VANGL2: variants seen among roughly 807,000 people sequenced by gnomAD.
VANGL2 encodes the protein vang-like protein 2.
VANGL2 carries 14 observed loss-of-function variants against 50.2 expected under a neutral mutation model. The ratio of observed to expected loss-of-function variants is 0.28; its 90% confidence interval spans 0.18 to 0.44. VANGL2 has a LOEUF of 0.44. VANGL2 is among the 20% of genes least tolerant of loss of function. The pLI, the probability that VANGL2 is intolerant of heterozygous loss-of-function variation, is 1.00. For missense variants in VANGL2, 533 were observed against 701.5 expected (o/e 0.76, Z 2.71); for synonymous variants, 295 against 297.2 (o/e 0.99, Z 0.08).
Position 160,422,397 on chromosome 1 carries a change from T to G in VANGL2, c.1073+1210T>G, listed in dbSNP as rs117580368. Among the ~76,000 whole-genome samples, 340 of 152,354 alleles carry G rather than the reference T, an allele frequency of 2.2e-3. 2 individuals are homozygous for G. The East Asian group carries it at 0.027, about 12-fold the overall frequency. On this transcript the variant is annotated intron_variant, in intron 6 of 7. Coordinates refer to ENST00000368061, the MANE Select transcript of VANGL2 (RefSeq NM_020335.3). ...CTTTCCTTTCCCCATTACCTTGCTTTTAACCAGGAGCAAACTTTTTCCTTT... is the reference window on the plus strand; with the variant it reads ...CTTTCCTTTCCCCATTACCTTGCTTGTAACCAGGAGCAAACTTTTTCCTTT...
At chr1:160,424,407 C>A (rs1651378290) in intron 7 of VANGL2, 124 bp downstream of exon 7, 3 of 970,108 alleles carry the variant, frequency 3.1e-6, no homozygotes, top group Non-Finnish European at 4.8e-6. Context: ...TCCTCACCAC[C>A]TCCTTTTTAT....
At chr1:160,422,690 CT>C (rs1651313876) in intron 6 of VANGL2, among the ~76,000 whole-genome samples, 1 of 152,146 alleles carries the variant, frequency 6.6e-6, no homozygotes. Flanking sequence ...ATTAATTGCT[CT>C]TTTCAGCTTC....
intron 3 of VANGL2, among the ~76,000 whole-genome samples, chr1:160,417,908 ATTTTTTTT>A (rs4017836): frequency 1.5e-5 from 2 of 130,160 alleles, no homozygotes; most frequent in South Asian, 2.4e-4. Context: ...GACTTCCATA[ATTTTTTTT>A]TTTTTTTTTT....
intron 7 of VANGL2, 113 bp downstream of exon 7, chr1:160,424,396 C>T: frequency 9.8e-7 from 1 of 1,016,310 alleles, no homozygotes; most frequent in South Asian, 1.4e-5. Flanking sequence ...TCATTTCTCT[C>T]TCCTCACCAC....
chr1:160,402,722 T>G (rs888594926), intron 1 of VANGL2, among the ~76,000 whole-genome samples: 1 of 152,044 alleles, frequency 6.6e-6, no homozygotes, highest in East Asian at 1.9e-4. Context: ...ATCATCATGA[T>G]AGTGTGGTGG....
chr1:160,425,431 A>AACCTGGGGGGGGCCGGGGGGGGGGGGGG lies in VANGL2; in HGVS notation c.*53_*54insACCTGGGGGGGGCCGGGGGGGGGGGGGG. The AACCTGGGGGGGGCCGGGGGGGGGGGGGG allele has an allele frequency of 5.3e-6, 1 of 189,356 alleles. No homozygotes were observed. Among genetic ancestry groups the AACCTGGGGGGGGCCGGGGGGGGGGGGGG allele is most frequent in the Non-Finnish European group, 9.3e-6 (1 of 107,972 alleles). 11.7% of individuals were successfully genotyped at this position (189,356 alleles called of 1,614,324 possible). ...CTCTGGGGGGTCCTGAGGGGGTGGGAGGGGGCTTGGTTCTCAGGCCCAGCC... is the reference window on the plus strand; with the variant it reads ...CTCTGGGGGGTCCTGAGGGGGTGGGAACCTGGGGGGGGCCGGGGGGGGGGGGGGGGGGGCTTGGTTCTCAGGCCCAGCC... On this transcript the variant is annotated 3_prime_UTR_variant, in exon 8 of 8. Coordinates refer to ENST00000368061, the MANE Select transcript of VANGL2 (RefSeq NM_020335.3).
intron 1 of VANGL2, 21 bp from the exon 2 acceptor site, chr1:160,415,627 C>T: frequency 1.6e-6 from 1 of 615,298 alleles, no homozygotes; most frequent in South Asian, 1.9e-5. Context: ...CCGCCTCTAA[C>T]TAGCTTCTTC....
rs1390137324 is a variant in VANGL2 at position 160,419,316 on chromosome 1, C to T, written c.507C>T (p.Arg169=). 1.2e-6 allele frequency: 2 copies of T among 1,609,262 alleles called. No individual in the cohort carries two copies. The highest frequency in any genetic ancestry group is 1.1e-5 in the South Asian group (1 of 91,084). The part of the protein sequence containing the change: ...LLLGSWALFF[R]RPKASLPRVF... ...TGGGCAGCTGGGCTCTGTTCTTCCG[C>T]CGGCCCAAGGCCTCGCTGCCCCGCG... The change falls in exon 4 of 8, where the codon CGC becomes CGT. Residue 169 remains arginine (R), a synonymous_variant. Coordinates refer to ENST00000368061, the MANE Select transcript of VANGL2 (RefSeq NM_020335.3). This position sits in a 1 kb window ranked among gnomAD's most constrained non-coding sequence, Gnocchi z 5.8.
intron 1 of VANGL2, among the ~76,000 whole-genome samples, chr1:160,408,670 C>T (rs58331963): frequency 0.037 from 5,582 of 152,166 alleles, 380 homozygotes; most frequent in African/African-American, 0.13. Context: ...GGGAGAATGC[C>T]TGGTTAACAG....
intron 3 of VANGL2, among the ~76,000 whole-genome samples, chr1:160,416,658 T>C (rs762245453): frequency 6.6e-6 from 1 of 151,746 alleles, no homozygotes; most frequent in Non-Finnish European, 1.5e-5. Flanking sequence ...GAAGAGTAGA[T>C]GGAGAAAGCC....
intron 1 of VANGL2, among the ~76,000 whole-genome samples, chr1:160,403,112 GA>G (rs556001061): frequency 2.7e-3 from 414 of 151,830 alleles, no homozygotes; most frequent in African/African-American, 9.2e-3. Context: ...GAGGAACGGG[GA>G]ACGGGGCAGA....
At chr1:160,416,845 A>G (rs947360737) in intron 3 of VANGL2, among the ~76,000 whole-genome samples, 3 of 152,094 alleles carry the variant, frequency 2.0e-5, no homozygotes, top group African/African-American at 7.2e-5. Context: ...TTTAGGTGAC[A>G]CTGAGGTTGC....
intron 6 of VANGL2, among the ~76,000 whole-genome samples, chr1:160,421,787 A>G (rs532416285): frequency 1.3e-5 from 2 of 152,276 alleles, no homozygotes; most frequent in South Asian, 4.1e-4. Flanking sequence ...ACAGTGGGGT[A>G]GGGACCCAAT....
At chr1:160,415,499 G>T in intron 1 of VANGL2, 149 bp from the exon 2 acceptor site, 1 of 370,914 alleles carries the variant, frequency 2.7e-6, no homozygotes, top group South Asian at 2.3e-5. Context: ...ACTGGGCCCA[G>T]TGGACAGCAG....
intron 1 of VANGL2, among the ~76,000 whole-genome samples, chr1:160,406,657 C>T (rs572811897): frequency 1.5e-4 from 23 of 152,094 alleles, no homozygotes; most frequent in African/African-American, 4.8e-4. Context: ...CTCCTGTTTT[C>T]ACCAGAGTGT....
At position 160,425,307 on chromosome 1, in the gene VANGL2, C is replaced by A; in HGVS notation, c.1495C>A (p.Leu499Ile). The A allele has an allele frequency of 6.2e-7, 1 of 1,613,810 alleles. No homozygotes were observed. The highest frequency in any genetic ancestry group is 8.5e-7 in the Non-Finnish European group (1 of 1,179,956). Reference protein sequence around the residue: ...VSTKKVPFFKLSEEFVDPKSH... With the variant: ...VSTKKVPFFKISEEFVDPKSH... ...CACCAAGAAGGTCCCATTCTTCAAA[C>A]TCTCCGAGGAATTTGTGGATCCCAA... The change falls in exon 8 of 8, where the codon CTC becomes ATC. Residue 499 changes from leucine (L) to isoleucine (I), a missense_variant. Physicochemically the swap from Leu to Ile is conservative, Grantham distance 5. Transcript: ENST00000368061.
chr1:160,403,364 A>G (rs1274935603), intron 1 of VANGL2, among the ~76,000 whole-genome samples: 1 of 152,184 alleles, frequency 6.6e-6, no homozygotes, highest in Non-Finnish European at 1.5e-5. Flanking sequence ...AGGAAATGCC[A>G]TTTCTGAAAG....
chr1:160,410,696 A>ACG lies in VANGL2; in HGVS notation c.-190-4951_-190-4950insGC, dbSNP rs1553216168. 7.5e-4 allele frequency among the ~76,000 whole-genome samples: 112 copies of ACG among 149,454 alleles called. 1 individual carries two copies. Among genetic ancestry groups the ACG allele is most frequent in the African/African-American group, 2.3e-3 (94 of 40,134 alleles). ...CTTATACACACACACACACACACAC[A>ACG]CACGCACGCACGCACGCACTACTCT... On this transcript the variant is annotated intron_variant, in intron 1 of 7. Coordinates refer to ENST00000368061, the MANE Select transcript of VANGL2 (RefSeq NM_020335.3).
intron 3 of VANGL2, among the ~76,000 whole-genome samples, chr1:160,417,801 A>C (rs11586476): frequency 0.22 from 34,079 of 151,988 alleles, 4,141 homozygotes; most frequent in Middle Eastern, 0.27. Flanking sequence ...CTCTGCTCTC[A>C]TAGCCCTTGG....
Sources: allele counts gnomAD v4.1 joint callset (sites outside exome capture counted in the v4.1 genomes callset), GRCh38; gene constraint gnomAD v4.1.1; non-coding constraint Gnocchi (gnomAD v3.1); transcripts MANE v1.5; gene names NCBI Gene and HGNC (gene_info 2026-07-23, HGNC 2026-07-21).